Variants in SLC71A2 observed in about 807,000 individuals in gnomAD.
SLC71A2 encodes the protein solute carrier family 71 member 2.
At chr9:94,438,221 A>G in the SLC71A2 span, among the ~76,000 whole-genome samples, 2 of 152,094 alleles carry the variant, frequency 1.3e-5, no homozygotes, top group African/African-American at 4.8e-5. Context: ...TACAGGCATG[A>G]GCCACCACGC....
the SLC71A2 span, among the ~76,000 whole-genome samples, chr9:94,424,776 G>T: frequency 9.5e-6 from 1 of 105,134 alleles, no homozygotes; most frequent in African/African-American, 3.8e-5. Context: ...GTCTCACTCT[G>T]TTGCCCAGGC....
the SLC71A2 span, chr9:94,454,083 C>T: frequency 6.3e-7 from 1 of 1,580,006 alleles, no homozygotes; most frequent in Non-Finnish European, 8.7e-7. Context: ...AAGCCTCACT[C>T]TTAGATTCTC....
chr9:94,381,576 T>C, the SLC71A2 span, among the ~76,000 whole-genome samples: 1 of 152,266 alleles, frequency 6.6e-6, no homozygotes, highest in Non-Finnish European at 1.5e-5. Flanking sequence ...CAAATAAAGC[T>C]GCTGTGAACA....
chr9:94,387,243 C>CTGTGCAGT, the SLC71A2 span, among the ~76,000 whole-genome samples: 1 of 152,222 alleles, frequency 6.6e-6, no homozygotes, highest in African/African-American at 2.4e-5. Context: ...CTGTGCTTGC[C>CTGTGCAGT]ACGTCCCTTT....
chr9:94,423,437 G>C, the SLC71A2 span, among the ~76,000 whole-genome samples: 1 of 152,156 alleles, frequency 6.6e-6, no homozygotes, highest in Admixed American at 6.6e-5. Context: ...GGTCTACCCA[G>C]ATAACCCGGA....
chr9:94,409,710 C>A, the SLC71A2 span, among the ~76,000 whole-genome samples: 8 of 151,736 alleles, frequency 5.3e-5, no homozygotes, highest in Non-Finnish European at 8.8e-5. Context: ...CTTGTGATTT[C>A]TTTTATCTGT....
chr9:94,444,843 A>AC, the SLC71A2 span: 3 of 794,632 alleles, frequency 3.8e-6, no homozygotes, highest in South Asian at 4.8e-5. Flanking sequence ...CACCTGTGGG[A>AC]CCCTGGTTGA....
At chr9:94,429,089 A>C in the SLC71A2 span, 1 of 1,493,978 alleles carries the variant, frequency 6.7e-7, no homozygotes, top group Non-Finnish European at 9.0e-7. Flanking sequence ...ATAATTTTTC[A>C]TTGCAGGGCT....
the SLC71A2 span, among the ~76,000 whole-genome samples, chr9:94,379,180 G>A: frequency 6.7e-6 from 1 of 149,766 alleles, no homozygotes; most frequent in South Asian, 2.1e-4. Context: ...TCTGCCTGCC[G>A]GGTTCAAGCG....
At chr9:94,379,548 C>G in the SLC71A2 span, among the ~76,000 whole-genome samples, 1 of 150,322 alleles carries the variant, frequency 6.7e-6, no homozygotes, top group Admixed American at 6.6e-5. Flanking sequence ...TGGCACTATG[C>G]CTGGCTAGTT....
At chr9:94,441,311 A>G in the SLC71A2 span, among the ~76,000 whole-genome samples, 1 of 152,308 alleles carries the variant, frequency 6.6e-6, no homozygotes, top group South Asian at 2.1e-4. Context: ...GGGAGGCCTC[A>G]GGGAGCTTTT....
chr9:94,431,516 C>CT, the SLC71A2 span, among the ~76,000 whole-genome samples: 27,443 of 146,410 alleles, frequency 0.19, 2,603 homozygotes, highest in Middle Eastern at 0.27. Flanking sequence ...CATTTGGGTA[C>CT]TTTTTTTTTT....
At chr9:94,379,939 A>T in the SLC71A2 span, among the ~76,000 whole-genome samples, 1 of 152,132 alleles carries the variant, frequency 6.6e-6, no homozygotes, top group Non-Finnish European at 1.5e-5. Context: ...ATACACGTAA[A>T]CATGCTTTAT....
the SLC71A2 span, among the ~76,000 whole-genome samples, chr9:94,420,003 G>A: frequency 2.6e-4 from 39 of 152,300 alleles, no homozygotes; most frequent in African/African-American, 8.4e-4. Flanking sequence ...CTGTATGTGA[G>A]CTGGAAGTGC....
the SLC71A2 span, among the ~76,000 whole-genome samples, chr9:94,456,879 C>T: frequency 1.3e-5 from 2 of 152,188 alleles, no homozygotes; most frequent in African/African-American, 4.8e-5. Context: ...AGATCCATAT[C>T]CCATCCTTCC....
the SLC71A2 span, among the ~76,000 whole-genome samples, chr9:94,457,196 G>A: frequency 4.6e-5 from 7 of 152,014 alleles, no homozygotes; most frequent in African/African-American, 1.7e-4. Flanking sequence ...GAACTCCTGG[G>A]TTCAGTCTGC....
chr9:94,435,226 C>T, the SLC71A2 span, among the ~76,000 whole-genome samples: 3 of 152,212 alleles, frequency 2.0e-5, no homozygotes, highest in East Asian at 1.9e-4. Flanking sequence ...ACCTTTTCCA[C>T]CATCTAATGA....
At chr9:94,450,866 CAGAGGCTT>C in the SLC71A2 span, among the ~76,000 whole-genome samples, 9 of 152,274 alleles carry the variant, frequency 5.9e-5, no homozygotes, top group East Asian at 1.5e-3. Flanking sequence ...CTGTTACGGT[CAGAGGCTT>C]AGAAATCATT....
chr9:94,417,917 C>T, the SLC71A2 span, among the ~76,000 whole-genome samples: 27,106 of 129,832 alleles, frequency 0.21, 2,948 homozygotes, highest in Middle Eastern at 0.34. Flanking sequence ...AGTTCAGTGG[C>T]GTGATCTCAG....
Sources: allele counts gnomAD v4.1 joint callset (sites outside exome capture counted in the v4.1 genomes callset), GRCh38; gene constraint gnomAD v4.1.1; transcripts MANE v1.5; gene names NCBI Gene and HGNC (gene_info 2026-07-23, HGNC 2026-07-21).